CHST11: variants seen among roughly 807,000 people sequenced by gnomAD.
CHST11 encodes C4S-1.
CHST11 carries 9 observed loss-of-function variants against 30.4 expected under a neutral mutation model. The ratio of observed to expected loss-of-function variants is 0.30; its 90% CI spans 0.18 to 0.52. The LOEUF (loss-of-function observed/expected upper bound fraction) is 0.52, where lower values mean the gene tolerates loss of function less well. Ranked by LOEUF, CHST11 falls within the 20% of genes least tolerant of loss-of-function variation. CHST11 has a pLI of 0.97. For synonymous variants in CHST11, 152 were observed against 187.8 expected (o/e 0.81, Z 1.56); for missense variants, 348 against 460.6 (o/e 0.76, Z 2.24).
chr12:104,741,092 T>C (rs2040342922), intron 2 of CHST11, among the ~76,000 whole-genome samples: 1 of 152,278 alleles, frequency 6.6e-6, no homozygotes, highest in Non-Finnish European at 1.5e-5. Flanking sequence ...GACACTGAGA[T>C]ACCTGGGCCT....
intron 2 of CHST11, among the ~76,000 whole-genome samples, chr12:104,603,602 G>C (rs770960321): frequency 6.6e-6 from 1 of 152,170 alleles, no homozygotes; most frequent in Non-Finnish European, 1.5e-5. Flanking sequence ...ATCTTTAGGG[G>C]TCAGTTTTCC....
At chr12:104,724,768 TAC>T (rs1041763769) in intron 2 of CHST11, among the ~76,000 whole-genome samples, 1 of 152,136 alleles carries the variant, frequency 6.6e-6, no homozygotes, top group African/African-American at 2.4e-5. Flanking sequence ...GGTCAAATAA[TAC>T]ACACGTTAGA....
intron 2 of CHST11, among the ~76,000 whole-genome samples, chr12:104,622,202 G>T (rs963203829): frequency 9.2e-5 from 14 of 151,526 alleles, no homozygotes; most frequent in African/African-American, 3.4e-4. Context: ...ACAGTTTTGT[G>T]GATAACCAAA....
intron 1 of CHST11, among the ~76,000 whole-genome samples, chr12:104,467,217 C>A (rs1370323141): frequency 1.3e-5 from 2 of 152,206 alleles, no homozygotes; most frequent in Admixed American, 1.3e-4. Context: ...AGTTTCATAA[C>A]TGACATGTAA....
intron 2 of CHST11, among the ~76,000 whole-genome samples, chr12:104,645,886 C>T (rs1275237301): frequency 6.6e-6 from 1 of 152,210 alleles, no homozygotes; most frequent in Non-Finnish European, 1.5e-5. Flanking sequence ...GGGCCATCAT[C>T]TCTTCTTCCA....
At chr12:104,628,965 G>A (rs2039245389) in intron 2 of CHST11, among the ~76,000 whole-genome samples, 2 of 152,166 alleles carry the variant, frequency 1.3e-5, no homozygotes, top group African/African-American at 4.8e-5. Flanking sequence ...ATGAAACAAG[G>A]GGGAGCTGGA....
intron 1 of CHST11, among the ~76,000 whole-genome samples, chr12:104,506,789 G>A (rs1470768009): frequency 6.6e-6 from 1 of 152,212 alleles, no homozygotes; most frequent in African/African-American, 2.4e-5. Context: ...AAGGGCTTGT[G>A]CTTTCTTTGC....
intron 1 of CHST11, among the ~76,000 whole-genome samples, chr12:104,498,040 T>G (rs968928407): frequency 3.3e-5 from 5 of 149,808 alleles, no homozygotes; most frequent in African/African-American, 1.2e-4. Flanking sequence ...TGCCTCAGCC[T>G]CCCGAGTAGC....
intron 2 of CHST11, among the ~76,000 whole-genome samples, chr12:104,632,552 T>C (rs902952506): frequency 6.6e-6 from 1 of 152,188 alleles, no homozygotes; most frequent in Non-Finnish European, 1.5e-5. Context: ...CTGTGGAATT[T>C]CAGAAATTGG....
At chr12:104,544,775 C>CCCGCCCCCCCCCCCG (rs1555231410) in intron 1 of CHST11, among the ~76,000 whole-genome samples, 1 of 120,756 alleles carries the variant, frequency 8.3e-6, no homozygotes, top group Non-Finnish European at 1.8e-5. Context: ...ACAGTCCCCC[C>CCCGCCCCCCCCCCCG]ACCCCGGAGA....
At chr12:104,655,216 C>T (rs893097081) in intron 2 of CHST11, among the ~76,000 whole-genome samples, 9 of 152,270 alleles carry the variant, frequency 5.9e-5, no homozygotes, top group African/African-American at 9.6e-5. Flanking sequence ...GGGTGAGCGA[C>T]TTCGCAGAGC....
At chr12:104,742,623 C>A (rs891606052) in intron 2 of CHST11, among the ~76,000 whole-genome samples, 7 of 152,226 alleles carry the variant, frequency 4.6e-5, no homozygotes, top group Non-Finnish European at 8.8e-5. Flanking sequence ...TTCCTGCCCC[C>A]CTCCGGCACC....
At chr12:104,648,818 T>C (rs750180542) in intron 2 of CHST11, among the ~76,000 whole-genome samples, 3 of 151,154 alleles carry the variant, frequency 2.0e-5, no homozygotes, top group African/African-American at 4.9e-5. Flanking sequence ...TCAAAAAAAA[T>C]AGAAAAGAAA....
At chr12:104,487,636 G>C (rs1443067764) in intron 1 of CHST11, among the ~76,000 whole-genome samples, 3 of 152,122 alleles carry the variant, frequency 2.0e-5, no homozygotes, top group Non-Finnish European at 4.4e-5. Flanking sequence ...GGCTTGGAGA[G>C]GTAAAGATAT....
At chr12:104,581,142 C>T (rs144891048) in intron 1 of CHST11, among the ~76,000 whole-genome samples, 1 of 152,260 alleles carries the variant, frequency 6.6e-6, no homozygotes, top group African/African-American at 2.4e-5. Context: ...TGAGTAGAAC[C>T]TCTGATAAAT....
intron 1 of CHST11, among the ~76,000 whole-genome samples, chr12:104,490,177 A>G (rs1468561677): frequency 6.6e-6 from 1 of 152,214 alleles, no homozygotes; most frequent in Non-Finnish European, 1.5e-5. Flanking sequence ...ACTCTGAAAG[A>G]TGTGTGTCCT....
chr12:104,684,728 T>C (rs2039830797), intron 2 of CHST11, among the ~76,000 whole-genome samples: 1 of 152,166 alleles, frequency 6.6e-6, no homozygotes, highest in Non-Finnish European at 1.5e-5. Context: ...TTTGTATTTT[T>C]AGTAGAGACA....
chr12:104,572,839 A>G (rs569705226), intron 1 of CHST11, among the ~76,000 whole-genome samples: 6 of 152,258 alleles, frequency 3.9e-5, no homozygotes, highest in East Asian at 3.9e-4. Flanking sequence ...TTGCTATTCA[A>G]CATAGTGTTG....
At chr12:104,505,572 C>T (rs1260707353) in intron 1 of CHST11, among the ~76,000 whole-genome samples, 1 of 152,158 alleles carries the variant, frequency 6.6e-6, no homozygotes, top group Non-Finnish European at 1.5e-5. Flanking sequence ...TTCAGAGTGA[C>T]TCAGGAGTGG....
Sources: gnomAD v4.1 joint callset for allele counts (sites outside exome capture counted in the v4.1 genomes callset) on GRCh38, gnomAD v4.1.1 for gene constraint, MANE v1.5 for transcripts, NCBI Gene and HGNC (gene_info 2026-07-23, HGNC 2026-07-21) for gene names.